RAB38: variants seen among roughly 807,000 people sequenced by gnomAD.
The protein encoded by RAB38 is RAB38, member RAS oncogene family, also known as ras-related protein Rab-38.
Under a neutral mutation model 18.4 loss-of-function variants are expected in RAB38, and 15 were observed. The ratio of observed to expected loss-of-function variants is 0.82; its 90% CI spans 0.55 to 1.26. RAB38 has a LOEUF of 1.26. Ranked by LOEUF, RAB38 falls within the 50% of genes most tolerant of loss-of-function variation. RAB38 has a pLI of 0.00. For synonymous variants in RAB38, 101 were observed against 104.4 expected (o/e 0.97, Z 0.20); for missense variants, 294 against 267.4 (o/e 1.10, Z -0.69).
chr11:87,936,108 G>C, the RAB38 span, among the ~76,000 whole-genome samples: 1 of 151,874 alleles, frequency 6.6e-6, no homozygotes, highest in African/African-American at 2.4e-5. Context: ...CATCTTCTCA[G>C]TAGGTTCTTT....
At chr11:88,056,691 C>A in the RAB38 span, among the ~76,000 whole-genome samples, 1 of 152,040 alleles carries the variant, frequency 6.6e-6, no homozygotes, top group African/African-American at 2.4e-5. Flanking sequence ...GTAGTCCCAG[C>A]TACTCGGAAG....
the RAB38 span, among the ~76,000 whole-genome samples, chr11:87,967,431 T>C: frequency 1.3e-5 from 2 of 152,228 alleles, no homozygotes; most frequent in African/African-American, 4.8e-5. Flanking sequence ...GGATAATATA[T>C]TTTTTTAAAA....
chr11:88,121,368 G>C (rs1384925431), intron 2 of RAB38, among the ~76,000 whole-genome samples: 2 of 152,190 alleles, frequency 1.3e-5, no homozygotes, highest in Non-Finnish European at 2.9e-5. Context: ...CTGGTACTAA[G>C]TTTGTACTCA....
intron 1 of RAB38, chr11:88,173,562 A>G: frequency 1.0e-6 from 1 of 985,448 alleles, no homozygotes; most frequent in Non-Finnish European, 1.2e-6. Context: ...CTCTGCTGTC[A>G]TGCTGTTACC....
chr11:88,168,555 A>G (rs758847293), intron 1 of RAB38, among the ~76,000 whole-genome samples: 2 of 152,194 alleles, frequency 1.3e-5, no homozygotes, highest in Non-Finnish European at 2.9e-5. Context: ...AGTCCGTAAG[A>G]GCAAAGATCA....
the RAB38 span, among the ~76,000 whole-genome samples, chr11:87,811,574 A>G: frequency 6.6e-6 from 1 of 151,826 alleles, no homozygotes; most frequent in South Asian, 2.1e-4. Context: ...TTACTCCTTT[A>G]CCCACTTTCT....
the RAB38 span, among the ~76,000 whole-genome samples, chr11:88,016,954 A>G: frequency 6.6e-6 from 1 of 152,148 alleles, no homozygotes; most frequent in Non-Finnish European, 1.5e-5. Context: ...GCAGACTTGC[A>G]AACCAACAGT....
At chr11:87,813,410 A>T in the RAB38 span, among the ~76,000 whole-genome samples, 1 of 152,116 alleles carries the variant, frequency 6.6e-6, no homozygotes, top group African/African-American at 2.4e-5. Flanking sequence ...CAAGACAGGG[A>T]AAGTAGAGAA....
the RAB38 span, among the ~76,000 whole-genome samples, chr11:88,032,431 G>C: frequency 6.6e-6 from 1 of 152,146 alleles, no homozygotes; most frequent in East Asian, 1.9e-4. Flanking sequence ...AGTACCATCA[G>C]AGTGAACAGG....
intron 2 of RAB38, among the ~76,000 whole-genome samples, chr11:88,116,850 T>G (rs566523645): frequency 6.6e-6 from 1 of 152,288 alleles, no homozygotes; most frequent in South Asian, 2.1e-4. Context: ...GTTAAACAGG[T>G]TTTCCTTCAT....
the RAB38 span, among the ~76,000 whole-genome samples, chr11:87,871,265 C>T: frequency 6.6e-6 from 1 of 151,586 alleles, no homozygotes; most frequent in African/African-American, 2.4e-5. Flanking sequence ...GTGATCCATT[C>T]CCAACAACCC....
the RAB38 span, among the ~76,000 whole-genome samples, chr11:87,822,865 A>G: frequency 6.6e-6 from 1 of 152,220 alleles, no homozygotes; most frequent in Non-Finnish European, 1.5e-5. Context: ...AGAAAGAATG[A>G]AAAATGACAA....
the RAB38 span, among the ~76,000 whole-genome samples, chr11:87,812,176 C>G: frequency 6.6e-6 from 1 of 152,014 alleles, no homozygotes; most frequent in Non-Finnish European, 1.5e-5. Context: ...CAAATAACTT[C>G]ATTTCATAAT....
intron 2 of RAB38, among the ~76,000 whole-genome samples, chr11:88,140,283 C>T (rs1942891476): frequency 6.6e-6 from 1 of 152,194 alleles, no homozygotes; most frequent in Non-Finnish European, 1.5e-5. Context: ...AAAGGAGTTA[C>T]ATAATGTGGG....
the RAB38 span, among the ~76,000 whole-genome samples, chr11:87,957,740 A>G: frequency 2.0e-5 from 3 of 152,028 alleles, no homozygotes; most frequent in African/African-American, 4.8e-5. Flanking sequence ...TCTAACTTCT[A>G]TAATCTGAGG....
the RAB38 span, among the ~76,000 whole-genome samples, chr11:88,052,935 T>TATATATTTCATATATATATATATATC: frequency 7.0e-5 from 6 of 85,792 alleles, no homozygotes; most frequent in African/African-American, 1.0e-4. Context: ...TATATATATA[T>TATATATTTCATATATATATATATATC]ATATATATAA....
At chr11:87,960,261 G>C in the RAB38 span, among the ~76,000 whole-genome samples, 31 of 151,784 alleles carry the variant, frequency 2.0e-4, no homozygotes, top group Non-Finnish European at 2.5e-4. Flanking sequence ...GGAGGTCTTG[G>C]GCCAAACCTA....
the RAB38 span, among the ~76,000 whole-genome samples, chr11:87,940,520 C>G: frequency 6.6e-6 from 1 of 151,842 alleles, no homozygotes; most frequent in South Asian, 2.1e-4. Context: ...GTGTTTGATG[C>G]TAAAAGCAAA....
At chr11:87,811,280 T>C in the RAB38 span, among the ~76,000 whole-genome samples, 1 of 152,206 alleles carries the variant, frequency 6.6e-6, no homozygotes, top group Admixed American at 6.5e-5. Flanking sequence ...CCCTGGCCTC[T>C]GCATTCAGTT....
Sources: allele counts gnomAD v4.1 joint callset (sites outside exome capture counted in the v4.1 genomes callset), GRCh38; gene constraint gnomAD v4.1.1; transcripts MANE v1.5; gene names NCBI Gene and HGNC (gene_info 2026-07-23, HGNC 2026-07-21).